Variants in DLG2 observed in about 807,000 individuals in gnomAD.
DLG2 encodes the protein discs large MAGUK scaffold protein 2.
DLG2 carries 45 observed loss-of-function variants against 132.5 expected under a neutral mutation model. The observed-to-expected ratio is 0.34, with a 90% CI of 0.27 to 0.44. The LOEUF (loss-of-function observed/expected upper bound fraction) is 0.44. Among genes scored for constraint, DLG2 ranks in the 20% least tolerant of loss-of-function variants. The probability of loss-of-function intolerance (pLI) is 1.00; values close to 1 mark genes in which losing one functional copy is unlikely to be tolerated. For synonymous variants in DLG2, 424 were observed against 419.6 expected (o/e 1.01, Z -0.13); for missense variants, 1,045 against 1,196.9 (o/e 0.87, Z 1.87).
intron 3 of DLG2, among the ~76,000 whole-genome samples, chr11:85,414,909 G>C (rs1387166388): frequency 6.6e-6 from 1 of 151,942 alleles, no homozygotes; most frequent in Non-Finnish European, 1.5e-5. Context: ...TGTGCAGAAC[G>C]TGCAGATTTT....
At chr11:84,208,735 T>G (rs1007660259) in intron 8 of DLG2, among the ~76,000 whole-genome samples, 8 of 152,212 alleles carry the variant, frequency 5.3e-5, no homozygotes, top group African/African-American at 1.9e-4. Flanking sequence ...TAAAAGGAAG[T>G]GTACACTGTA....
At chr11:83,848,786 A>T (rs2059132627) in intron 16 of DLG2, among the ~76,000 whole-genome samples, 1 of 152,100 alleles carries the variant, frequency 6.6e-6, no homozygotes, top group African/African-American at 2.4e-5. Flanking sequence ...ATTATGCATA[A>T]ATTCCTGTGT....
At chr11:85,481,961 A>G (rs2093304995) in intron 3 of DLG2, among the ~76,000 whole-genome samples, 1 of 152,084 alleles carries the variant, frequency 6.6e-6, no homozygotes, top group Non-Finnish European at 1.5e-5. Context: ...CCAGGTCTAC[A>G]GAGCAAATTT....
chr11:84,395,219 T>G (rs2098807137), intron 7 of DLG2, among the ~76,000 whole-genome samples: 1 of 152,202 alleles, frequency 6.6e-6, no homozygotes, highest in Non-Finnish European at 1.5e-5. Flanking sequence ...TTTCCTGTAC[T>G]GTTTATTCAA....
chr11:84,425,741 A>T (rs2098964322), intron 7 of DLG2, among the ~76,000 whole-genome samples: 1 of 152,168 alleles, frequency 6.6e-6, no homozygotes, highest in Non-Finnish European at 1.5e-5. Flanking sequence ...TTACTTATGG[A>T]AAGAAAACAG....
At chr11:84,737,916 A>C (rs1171920990) in intron 6 of DLG2, among the ~76,000 whole-genome samples, 1 of 152,086 alleles carries the variant, frequency 6.6e-6, no homozygotes, top group East Asian at 1.9e-4. Context: ...TATACTAAAA[A>C]GTAATATAGT....
intron 7 of DLG2, among the ~76,000 whole-genome samples, chr11:84,470,218 G>T (rs2099105130): frequency 6.6e-6 from 1 of 151,674 alleles, no homozygotes; most frequent in Admixed American, 6.6e-5. Flanking sequence ...AATCAGGAAA[G>T]ATAAGAGGAA....
intron 6 of DLG2, among the ~76,000 whole-genome samples, chr11:84,765,232 T>C (rs925049867): frequency 8.6e-5 from 13 of 151,250 alleles, no homozygotes; most frequent in Non-Finnish European, 4.5e-5. Flanking sequence ...GTTCAGTAAA[T>C]GTATGCCAGG....
chr11:85,476,259 C>T lies in DLG2; in HGVS notation c.40+122398G>A, dbSNP rs145424850. ...AGTAAATATATGAAAGATTTTTAAA[C>T]GATACTTCTGTATAGGCACTTACCA... On this transcript the variant is annotated intron_variant, in intron 3 of 27. Coordinates refer to ENST00000376104, the MANE Select transcript of DLG2 (RefSeq NM_001142699.3). Among the ~76,000 whole-genome samples, 14 of 152,062 alleles carry T rather than the reference C, an allele frequency of 9.2e-5. No homozygotes were observed. The East Asian group carries it at 9.7e-4, about 11-fold the overall frequency.
chr11:84,686,601 G>C (rs1266707260), intron 6 of DLG2, among the ~76,000 whole-genome samples: 2 of 132,840 alleles, frequency 1.5e-5, no homozygotes, highest in Non-Finnish European at 3.2e-5. Context: ...ATTTCACCTT[G>C]TAACCAAATT....
At chr11:85,320,482 A>C (rs967115576) in intron 3 of DLG2, among the ~76,000 whole-genome samples, 7 of 151,934 alleles carry the variant, frequency 4.6e-5, no homozygotes, top group Non-Finnish European at 8.8e-5. Context: ...GAAGAGAATG[A>C]AAAAAGAGAT....
In DLG2 at chr11:84,854,537, C is replaced by A. The variant is rs549401792; in HGVS notation, c.357+257124G>T. ...AAAGGCAAAAACATCCACTGAAAACCCCTGTCTTCTATTTTCATGAAGCCA... is the reference window on the plus strand; with the variant it reads ...AAAGGCAAAAACATCCACTGAAAACACCTGTCTTCTATTTTCATGAAGCCA... On this transcript the variant is annotated intron_variant, in intron 6 of 27. Transcript: ENST00000376104. Among the ~76,000 whole-genome samples, 7 of 152,020 alleles carry A rather than the reference C, an allele frequency of 4.6e-5. No homozygotes were observed. The South Asian group carries it at 8.3e-4, about 18-fold the overall frequency.
intron 15 of DLG2, among the ~76,000 whole-genome samples, chr11:83,889,335 A>C (rs2154083802): frequency 1.3e-5 from 2 of 152,256 alleles, no homozygotes; most frequent in South Asian, 4.1e-4. Context: ...ACATTTATGC[A>C]GCCAAAAAAC....
At chr11:85,608,288 C>G (rs1424445184) in intron 2 of DLG2, among the ~76,000 whole-genome samples, 2 of 152,004 alleles carry the variant, frequency 1.3e-5, no homozygotes, top group Non-Finnish European at 2.9e-5. Context: ...CAATTTGACC[C>G]AAAAACCCTG....
chr11:84,600,240 A>AGAAAAGCAAGC (rs1565420773), intron 6 of DLG2, among the ~76,000 whole-genome samples: 19 of 143,566 alleles, frequency 1.3e-4, no homozygotes, highest in Non-Finnish European at 2.8e-4. Context: ...GAAAGACAGA[A>AGAAAAGCAAGC]AAGCAAGCAA....
At chr11:84,975,863 T>C (rs1341462441) in intron 6 of DLG2, among the ~76,000 whole-genome samples, 1 of 152,208 alleles carries the variant, frequency 6.6e-6, no homozygotes, top group African/African-American at 2.4e-5. Flanking sequence ...TTTCCGCCAG[T>C]CTTCATGTTT....
At chr11:84,345,449 T>C (rs1277281297) in intron 7 of DLG2, among the ~76,000 whole-genome samples, 1 of 152,214 alleles carries the variant, frequency 6.6e-6, no homozygotes, top group Non-Finnish European at 1.5e-5. Context: ...CCCAAACTAC[T>C]AATAATTTTC....
At chr11:83,538,946 AT>A (rs1377398096) in intron 20 of DLG2, among the ~76,000 whole-genome samples, 1 of 152,182 alleles carries the variant, frequency 6.6e-6, no homozygotes, top group African/African-American at 2.4e-5. Flanking sequence ...AAGATTTCAT[AT>A]GTCTTAAGTG....
At chr11:85,292,646 AAGGAAGGAAGGGAGGGAGGGAGGG>A (rs1411237153) in intron 3 of DLG2, among the ~76,000 whole-genome samples, 14 of 30,110 alleles carry the variant, frequency 4.6e-4, no homozygotes, top group African/African-American at 1.8e-3. Context: ...GGAAGGAAGG[AAGGAAGGAAGGGAGGGAGGGAGGG>A]AGGGAGGGAG....
Sources: allele counts gnomAD v4.1 joint callset (sites outside exome capture counted in the v4.1 genomes callset), GRCh38; gene constraint gnomAD v4.1.1; transcripts MANE v1.5; gene names NCBI Gene and HGNC (gene_info 2026-07-23, HGNC 2026-07-21).